The following ST6GALNAC3 variants were observed in gnomAD, a reference collection of about 807,000 sequenced individuals.
ST6GALNAC3 encodes the protein alpha-N-acetylgalactosaminide alpha-2,6-sialyltransferase 3.
ST6GALNAC3 carries 25 observed loss-of-function variants against 32.7 expected under a neutral mutation model. The ratio of observed to expected loss-of-function variants is 0.76; its 90% CI spans 0.56 to 1.07. The LOEUF is 1.07. Ranked by LOEUF, ST6GALNAC3 falls within the 50% of genes least tolerant of loss-of-function variation. The pLI is 0.00. For missense variants in ST6GALNAC3, 355 were observed against 382.4 expected, an observed-to-expected ratio of 0.93 and a Z score of 0.60; for synonymous variants, 129 against 133.1, an observed-to-expected ratio of 0.97 and a Z score of 0.21.
chr1:76,502,563 G>T (rs1335811696), intron 3 of ST6GALNAC3, among the ~76,000 whole-genome samples: 1 of 152,062 alleles, frequency 6.6e-6, no homozygotes, highest in African/African-American at 2.4e-5. Flanking sequence ...TTCCTTCTCT[G>T]CATGTCTGTG....
intron 2 of ST6GALNAC3, among the ~76,000 whole-genome samples, chr1:76,330,309 T>C (rs150372393): frequency 0.02 from 2,977 of 152,244 alleles, 91 homozygotes; most frequent in African/African-American, 0.068. Flanking sequence ...CACACCATCA[T>C]GCCCGGCTAA....
At chr1:76,497,321 T>C (rs1660915151) in intron 3 of ST6GALNAC3, among the ~76,000 whole-genome samples, 1 of 152,162 alleles carries the variant, frequency 6.6e-6, no homozygotes, top group Non-Finnish European at 1.5e-5. Context: ...TTGGGGAGCC[T>C]TCCCAATCTA....
intron 1 of ST6GALNAC3, among the ~76,000 whole-genome samples, chr1:76,307,590 G>T (rs1181972176): frequency 6.6e-6 from 1 of 152,070 alleles, no homozygotes; most frequent in Non-Finnish European, 1.5e-5. Context: ...ATAAATGACA[G>T]CATGTGAACA....
intron 1 of ST6GALNAC3, among the ~76,000 whole-genome samples, chr1:76,202,800 G>A (rs548008365): frequency 3.3e-5 from 5 of 152,270 alleles, no homozygotes; most frequent in Non-Finnish European, 5.9e-5. Context: ...TCAATGTACT[G>A]ATTTGCTAGG....
In ST6GALNAC3 at chr1:76,189,848, C is replaced by T. The variant is rs1653794373; in HGVS notation, c.18+114964C>T. ...GTCCAGGCTAAGATGTTAAGCATAC[C>T]TTAGAGGCATGAAAGAATCTCTGAG... On this transcript the variant is annotated intron_variant, in intron 1 of 4. Transcript: ENST00000328299. 2.6e-5 allele frequency among the ~76,000 whole-genome samples: 4 copies of T among 152,052 alleles called. No individual in the cohort carries two copies. The South Asian group carries it at 8.3e-4, about 32-fold the overall frequency.
chr1:76,086,404 T>A (rs1646965536), intron 1 of ST6GALNAC3, among the ~76,000 whole-genome samples: 1 of 152,222 alleles, frequency 6.6e-6, no homozygotes, highest in Admixed American at 6.5e-5. Context: ...TAGACTTTTA[T>A]AAGTAATAAA....
intron 3 of ST6GALNAC3, among the ~76,000 whole-genome samples, chr1:76,592,769 G>A (rs970644350): frequency 2.0e-5 from 3 of 152,082 alleles, no homozygotes; most frequent in Non-Finnish European, 4.4e-5. Flanking sequence ...ATCATATCAG[G>A]TATTGACCTT....
chr1:76,361,042 A>C (rs1438504702), intron 2 of ST6GALNAC3, among the ~76,000 whole-genome samples: 1 of 152,158 alleles, frequency 6.6e-6, no homozygotes, highest in Non-Finnish European at 1.5e-5. Flanking sequence ...AGTCAGAAAC[A>C]TACCTTAGGT....
chr1:76,449,071 T>A (rs1306888542), intron 3 of ST6GALNAC3, among the ~76,000 whole-genome samples: 1 of 152,186 alleles, frequency 6.6e-6, no homozygotes, highest in African/African-American at 2.4e-5. Flanking sequence ...TCTGCCTTCC[T>A]CAGCCACCCA....
At chr1:76,580,288 A>G (rs561003136) in intron 3 of ST6GALNAC3, among the ~76,000 whole-genome samples, 8 of 152,100 alleles carry the variant, frequency 5.3e-5, no homozygotes, top group African/African-American at 1.9e-4. Context: ...CTTTTGACAG[A>G]TTCATGTCCA....
At chr1:76,211,715 C>T (rs1655174322) in intron 1 of ST6GALNAC3, among the ~76,000 whole-genome samples, 1 of 151,550 alleles carries the variant, frequency 6.6e-6, no homozygotes, top group African/African-American at 2.4e-5. Flanking sequence ...TGTTCTCGCT[C>T]ATAGGTGGGA....
chr1:76,399,118 C>A (rs1653211571), intron 2 of ST6GALNAC3, among the ~76,000 whole-genome samples: 1 of 151,732 alleles, frequency 6.6e-6, no homozygotes, highest in African/African-American at 2.4e-5. Context: ...GTATATTAAC[C>A]CTTCCTATGA....
chr1:76,306,629 A>G (rs1661069792), intron 1 of ST6GALNAC3, among the ~76,000 whole-genome samples: 1 of 150,366 alleles, frequency 6.7e-6, no homozygotes, highest in Admixed American at 6.7e-5. Context: ...GAAAAATTAT[A>G]GGTAGCAACA....
intron 2 of ST6GALNAC3, among the ~76,000 whole-genome samples, chr1:76,321,501 T>A (rs1646965869): frequency 6.6e-6 from 1 of 152,168 alleles, no homozygotes; most frequent in African/African-American, 2.4e-5. Context: ...ACCAAAAAAG[T>A]CCTAGCTGAT....
At chr1:76,627,099 C>A (rs1282733970) in intron 3 of ST6GALNAC3, among the ~76,000 whole-genome samples, 1 of 151,860 alleles carries the variant, frequency 6.6e-6, no homozygotes, top group East Asian at 1.9e-4. Flanking sequence ...TTAAGAGAAT[C>A]TTTCCTCTGA....
intron 1 of ST6GALNAC3, among the ~76,000 whole-genome samples, chr1:76,138,172 G>A (rs559378413): frequency 1.3e-5 from 2 of 152,300 alleles, no homozygotes; most frequent in Non-Finnish European, 2.9e-5. Flanking sequence ...ATGTCAAAAA[G>A]TGCTGGTTGA....
At chr1:76,251,726 A>G (rs1256869197) in intron 1 of ST6GALNAC3, among the ~76,000 whole-genome samples, 1 of 151,882 alleles carries the variant, frequency 6.6e-6, no homozygotes, top group Non-Finnish European at 1.5e-5. Context: ...TCTTGCTCCA[A>G]TCCCTTACTC....
intron 3 of ST6GALNAC3, among the ~76,000 whole-genome samples, chr1:76,561,521 G>T (rs1665241244): frequency 6.6e-6 from 1 of 152,194 alleles, no homozygotes; most frequent in Non-Finnish European, 1.5e-5. Context: ...TACATGAAAA[G>T]ATGCTCAACA....
intron 1 of ST6GALNAC3, among the ~76,000 whole-genome samples, chr1:76,249,573 A>G (rs1191764397): frequency 6.6e-6 from 1 of 152,150 alleles, no homozygotes; most frequent in Non-Finnish European, 1.5e-5. Flanking sequence ...TAATGTTGCT[A>G]TGAACATTTA....
Sources: gnomAD v4.1 joint callset for allele counts (sites outside exome capture counted in the v4.1 genomes callset) on GRCh38, gnomAD v4.1.1 for gene constraint, MANE v1.5 for transcripts, NCBI Gene and HGNC (gene_info 2026-07-23, HGNC 2026-07-21) for gene names.